Variants in FHIT observed in about 807,000 individuals in gnomAD.
The protein encoded by FHIT is bis(5'-adenosyl)-triphosphatase.
In FHIT, 19 loss-of-function variants were observed where a neutral mutation model predicts 17.9. The observed-to-expected ratio is 1.06, with a 90% CI of 0.74 to 1.56. The LOEUF (loss-of-function observed/expected upper bound fraction) is 1.56, where lower values mean the gene tolerates loss of function less well. Among genes scored for constraint, FHIT ranks in the 40% most tolerant of loss-of-function variants. The pLI is 0.00. For missense variants in FHIT, 248 were observed against 189.2 expected, an observed-to-expected ratio of 1.31 and a Z score of -1.82; for synonymous variants, 81 against 69.7, an observed-to-expected ratio of 1.16 and a Z score of -0.81.
chr3:60,830,627 T>C (rs1248468320), intron 3 of FHIT, among the ~76,000 whole-genome samples: 1 of 152,238 alleles, frequency 6.6e-6, no homozygotes, highest in Non-Finnish European at 1.5e-5. Flanking sequence ...CCTAATGTTC[T>C]CTCAGTTATT....
At chr3:59,931,305 T>C (rs1336139248) in intron 7 of FHIT, among the ~76,000 whole-genome samples, 1 of 152,188 alleles carries the variant, frequency 6.6e-6, no homozygotes, top group East Asian at 1.9e-4. Flanking sequence ...TCTACATGGC[T>C]GGATTTCGCC....
chr3:60,197,780 C>A (rs1462679594), intron 5 of FHIT, among the ~76,000 whole-genome samples: 1 of 152,158 alleles, frequency 6.6e-6, no homozygotes, highest in Non-Finnish European at 1.5e-5. Context: ...TTAGTTCTGG[C>A]TTATAAAGCA....
At chr3:60,551,843 C>T (rs557153582) in intron 4 of FHIT, among the ~76,000 whole-genome samples, 1 of 151,658 alleles carries the variant, frequency 6.6e-6, no homozygotes, top group South Asian at 2.1e-4. Context: ...AAGTGACATA[C>T]AATTCATATA....
intron 8 of FHIT, among the ~76,000 whole-genome samples, chr3:59,876,809 G>A (rs1175214396): frequency 6.6e-6 from 1 of 152,170 alleles, no homozygotes; most frequent in Non-Finnish European, 1.5e-5. Context: ...TTGAGAGGAA[G>A]CTACCCTTTT....
chr3:60,273,797 G>A (rs12487096), intron 5 of FHIT, among the ~76,000 whole-genome samples: 4,373 of 152,190 alleles, frequency 0.029, 149 homozygotes, highest in East Asian at 0.14. Context: ...TGGCAAGTAT[G>A]TAGATGAGAG....
At chr3:60,003,858 CTT>C (rs35165735) in intron 7 of FHIT, among the ~76,000 whole-genome samples, 14,756 of 144,928 alleles carry the variant, frequency 0.1, 842 homozygotes, top group Admixed American at 0.13. Flanking sequence ...ATTTATTTTA[CTT>C]TTTTTTTTTT....
chr3:60,839,916 C>G (rs1391545961), intron 3 of FHIT, among the ~76,000 whole-genome samples: 1 of 152,110 alleles, frequency 6.6e-6, no homozygotes, highest in African/African-American at 2.4e-5. Context: ...GCTTATTTAA[C>G]TACGTCTTTA....
intron 5 of FHIT, among the ~76,000 whole-genome samples, chr3:60,494,308 C>T (rs183007941): frequency 2.9e-4 from 44 of 152,204 alleles, no homozygotes; most frequent in Admixed American, 4.6e-4. Flanking sequence ...ACATAATATG[C>T]GACTTTTAGT....
chr3:60,011,468 T>C, intron 6 of FHIT, 68 bp from the exon 7 acceptor site: 5 of 1,280,888 alleles, frequency 3.9e-6, no homozygotes, highest in Non-Finnish European at 5.7e-6. Flanking sequence ...TTCAGAAATA[T>C]CACCCATTAA....
At chr3:60,482,834 G>A (rs2033670988) in intron 5 of FHIT, among the ~76,000 whole-genome samples, 1 of 151,348 alleles carries the variant, frequency 6.6e-6, no homozygotes, top group Non-Finnish European at 1.5e-5. Flanking sequence ...GATCAGAGCA[G>A]AACTGAAGGA....
intron 1 of FHIT, among the ~76,000 whole-genome samples, chr3:61,209,594 T>C (rs577983788): frequency 3.7e-4 from 56 of 152,332 alleles, no homozygotes; most frequent in African/African-American, 1.3e-3. Flanking sequence ...TTTCTTCCAG[T>C]TGATCGCATC....
intron 7 of FHIT, among the ~76,000 whole-genome samples, chr3:59,922,803 A>C (rs1264142461): frequency 3.3e-5 from 5 of 152,332 alleles, no homozygotes; most frequent in Non-Finnish European, 5.9e-5. Context: ...ATAAGTAAAG[A>C]GCGAGTGAAT....
In FHIT at chr3:59,914,212, G is replaced by A. The variant is rs569341685; in HGVS notation, c.348+8134C>T. Among the ~76,000 whole-genome samples the A allele has an allele frequency of 4.1e-3, 552 of 136,264 alleles. 4 individuals carry two copies. Among genetic ancestry groups the A allele is most frequent in the South Asian group, 0.017 (68 of 4,082 alleles). The allele number at this position is 136,264 out of a possible 152,430, so 89.4% of individuals were successfully genotyped here. A position where few individuals can be genotyped will look rare whatever the true frequency, so the allele number is the denominator to read the frequency against. On this transcript the variant is annotated intron_variant, in intron 8 of 9. Coordinates refer to ENST00000492590, the MANE Select transcript of FHIT (RefSeq NM_002012.4). ...TTAATGAGATATTTACTTTTTTTTTGGTAGAAGGCTTTGAAATCCAAACTG... is the reference window on the plus strand; with the variant it reads ...TTAATGAGATATTTACTTTTTTTTTAGTAGAAGGCTTTGAAATCCAAACTG...
chr3:60,053,397 A>G (rs1701960975), intron 5 of FHIT, among the ~76,000 whole-genome samples: 1 of 148,748 alleles, frequency 6.7e-6, no homozygotes. Flanking sequence ...TCTGTCACAT[A>G]CGAGATACTC....
intron 2 of FHIT, among the ~76,000 whole-genome samples, chr3:61,108,184 TATC>T (rs2036047801): frequency 6.6e-6 from 1 of 152,188 alleles, no homozygotes; most frequent in Admixed American, 6.5e-5. Flanking sequence ...CTCTTATTAT[TATC>T]ATCTTCATTA....
chr3:59,823,427 G>T (rs114601689), intron 8 of FHIT, among the ~76,000 whole-genome samples: 1 of 152,174 alleles, frequency 6.6e-6, no homozygotes, highest in Non-Finnish European at 1.5e-5. Flanking sequence ...TATCCCTGAA[G>T]AACACAGATG....
At chr3:60,148,489 A>G (rs1274369251) in intron 5 of FHIT, among the ~76,000 whole-genome samples, 1 of 152,192 alleles carries the variant, frequency 6.6e-6, no homozygotes, top group Non-Finnish European at 1.5e-5. Context: ...TTAACTTTGG[A>G]TATTTTACAA....
intron 7 of FHIT, among the ~76,000 whole-genome samples, chr3:59,939,095 A>T (rs919808851): frequency 6.6e-6 from 1 of 152,240 alleles, no homozygotes; most frequent in Non-Finnish European, 1.5e-5. Flanking sequence ...GGGAAGCCCC[A>T]GCACCAACCC....
At chr3:60,845,930 T>C (rs550863606) in intron 3 of FHIT, among the ~76,000 whole-genome samples, 3 of 152,302 alleles carry the variant, frequency 2.0e-5, no homozygotes, top group East Asian at 1.9e-4. Flanking sequence ...TTTTAAACCA[T>C]TGGCAACATA....
Sources: gnomAD v4.1 joint callset for allele counts (sites outside exome capture counted in the v4.1 genomes callset) on GRCh38, gnomAD v4.1.1 for gene constraint, MANE v1.5 for transcripts, NCBI Gene and HGNC (gene_info 2026-07-23, HGNC 2026-07-21) for gene names.